Variants in TRDN observed in about 807,000 individuals in gnomAD.
TRDN encodes triadin in skeletal muscle.
In TRDN, 161 loss-of-function variants were observed where a neutral mutation model predicts 149.7. That is an observed-to-expected ratio of 1.08 (90% CI 0.95 to 1.23). The LOEUF (loss-of-function observed/expected upper bound fraction) is 1.23, where lower values mean the gene tolerates loss of function less well. Among genes scored for constraint, TRDN ranks in the 50% most tolerant of loss-of-function variants. The pLI is 0.00. For missense variants in TRDN, 896 were observed against 823.5 expected (o/e 1.09, Z -1.08); for synonymous variants, 294 against 250.5 (o/e 1.17, Z -1.64).
chr6:123,422,782 C>T (rs938064839), intron 12 of TRDN, among the ~76,000 whole-genome samples: 2 of 152,056 alleles, frequency 1.3e-5, no homozygotes, highest in African/African-American at 4.8e-5. Flanking sequence ...GTCTTCAGTA[C>T]TTATTACCTA....
At chr6:123,289,217 A>T (rs1381770918) in intron 24 of TRDN, among the ~76,000 whole-genome samples, 1 of 150,664 alleles carries the variant, frequency 6.6e-6, no homozygotes, top group Non-Finnish European at 1.5e-5. Context: ...AAAGAAGAAA[A>T]TTCTGTCATT....
rs116333525 is a variant in TRDN, at chr6:123,578,250, T to G, written c.23-7118A>C. The stretch of plus-strand genomic sequence containing the variant: ...GATATTGCCTAGGTTGTTTTCCAGA[T>G]TTTTTGTAGTTTTGGGTTTTACATT... On this transcript the variant is annotated intron_variant, in intron 1 of 40. Coordinates refer to ENST00000334268, the MANE Select transcript of TRDN (RefSeq NM_006073.4). Among the ~76,000 whole-genome samples the G allele has an allele frequency of 9.6e-3, 1,466 of 152,196 alleles. 22 individuals are homozygous for G. The highest frequency in any genetic ancestry group is 0.033 in the African/African-American group (1,375 of 41,540).
intron 2 of TRDN, among the ~76,000 whole-genome samples, chr6:123,566,939 T>G (rs1363530759): frequency 6.6e-6 from 1 of 152,260 alleles, no homozygotes; most frequent in African/African-American, 2.4e-5. Flanking sequence ...GAATTTGTTC[T>G]TATTTTATAA....
rs142412980 is a variant in TRDN at position 123,350,411 on chromosome 6, A to C, written c.1369+2128T>G. ...TATAATTTTTCTAAATAAAGTCCAC[A>C]TGTTTAAACAAATAAATAAAATAAA... is the stretch of plus-strand genomic sequence containing the variant. On this transcript the variant is annotated intron_variant, in intron 21 of 40. Coordinates refer to ENST00000334268, the MANE Select transcript of TRDN (RefSeq NM_006073.4). The C allele has an allele frequency of 3.9e-3, 2,573 of 667,026 alleles. 6 individuals carry two copies. Among genetic ancestry groups the C allele is most frequent in the Non-Finnish European group, 4.6e-3 (2,466 of 539,736 alleles). The allele number at this position is 667,026 out of a possible 1,614,324, so 41.3% of individuals were successfully genotyped here.
At chr6:123,374,314 A>G (rs1781427678) in intron 19 of TRDN, among the ~76,000 whole-genome samples, 1 of 152,090 alleles carries the variant, frequency 6.6e-6, no homozygotes, top group African/African-American at 2.4e-5. Context: ...TCTAGGAAGA[A>G]GATTTTCATT....
chr6:123,506,139 T>G (rs1267177912), intron 7 of TRDN, among the ~76,000 whole-genome samples: 1 of 152,146 alleles, frequency 6.6e-6, no homozygotes, highest in Non-Finnish European at 1.5e-5. Context: ...ACTGGAGTGG[T>G]CAACAGCACC....
intron 6 of TRDN, 23 bp downstream of exon 6, chr6:123,516,118 C>T: frequency 6.8e-7 from 1 of 1,462,662 alleles, no homozygotes; most frequent in Non-Finnish European, 9.1e-7. Flanking sequence ...GTGTGTTAAA[C>T]AGTAATAAAA....
At chr6:123,423,824 G>A (rs1316263701) in intron 12 of TRDN, among the ~76,000 whole-genome samples, 1 of 152,168 alleles carries the variant, frequency 6.6e-6, no homozygotes, top group South Asian at 2.1e-4. Context: ...ACGGCCAATA[G>A]CATTTCTTGC....
intron 21 of TRDN, among the ~76,000 whole-genome samples, chr6:123,345,233 C>T (rs1394883069): frequency 6.6e-6 from 1 of 151,870 alleles, no homozygotes; most frequent in Non-Finnish European, 1.5e-5. Flanking sequence ...GACGTAAAGA[C>T]TATTTTTGAG....
intron 38 of TRDN, among the ~76,000 whole-genome samples, chr6:123,241,054 T>C (rs1179970468): frequency 6.6e-6 from 1 of 151,866 alleles, no homozygotes; most frequent in Non-Finnish European, 1.5e-5. Context: ...AGAAGATTAG[T>C]TGTTTTCTGC....
intron 34 of TRDN, 89 bp downstream of exon 34, chr6:123,260,523 A>G: frequency 5.2e-6 from 7 of 1,346,804 alleles, no homozygotes; most frequent in Non-Finnish European, 2.0e-6. Context: ...CAGCTAAGGG[A>G]TTTTCTAAAT....
intron 1 of TRDN, among the ~76,000 whole-genome samples, chr6:123,584,231 A>G (rs1484782889): frequency 6.6e-6 from 1 of 152,176 alleles, no homozygotes; most frequent in Non-Finnish European, 1.5e-5. Flanking sequence ...AAGAGTGAGT[A>G]CAGCTGAAGG....
At chr6:123,378,453 AGTGT>A (rs59816098) in intron 16 of TRDN, among the ~76,000 whole-genome samples, 37,428 of 136,032 alleles carry the variant, frequency 0.28, 5,353 homozygotes, top group African/African-American at 0.34. Flanking sequence ...CCAGATTTGT[AGTGT>A]GTGTGTGTGT....
At chr6:123,463,753 AT>A (rs1248680236) in intron 10 of TRDN, among the ~76,000 whole-genome samples, 1 of 149,294 alleles carries the variant, frequency 6.7e-6, no homozygotes, top group African/African-American at 2.5e-5. Flanking sequence ...TGTAATTCTG[AT>A]TTTTTTGGTC....
At chr6:123,303,913 T>A (rs889023366) in intron 24 of TRDN, among the ~76,000 whole-genome samples, 1 of 151,748 alleles carries the variant, frequency 6.6e-6, no homozygotes, top group Non-Finnish European at 1.5e-5. Flanking sequence ...ATAATAAGAA[T>A]CAGAAAAAAA....
At position 123,545,292 on chromosome 6, in the gene TRDN, A is replaced by G. The variant is rs1335665608; in HGVS notation, c.424+2048T>C. Reference sequence around the variant, plus strand: ...CATGAGTAAAATAACTTATAAGACAAGAATAATTTATAGAATTTCTCCCCA... The same window carrying G: ...CATGAGTAAAATAACTTATAAGACAGGAATAATTTATAGAATTTCTCCCCA... On this transcript the variant is annotated intron_variant, in intron 4 of 40. Transcript: ENST00000334268. Among the ~76,000 whole-genome samples the G allele has an allele frequency of 2.6e-5, 4 of 152,058 alleles. No homozygotes were observed. In the East Asian group the frequency reaches 7.7e-4, roughly 29 times the overall value.
chr6:123,469,908 A>G (rs1488986150), intron 9 of TRDN: 1 of 152,126 alleles, frequency 6.6e-6, no homozygotes, highest in Non-Finnish European at 1.5e-5. Context: ...CCAGAACAGT[A>G]TGAGCTCAGT....
chr6:123,522,398 CA>C (rs1163258161), intron 5 of TRDN, among the ~76,000 whole-genome samples: 3 of 148,482 alleles, frequency 2.0e-5, no homozygotes, highest in Non-Finnish European at 4.4e-5. Flanking sequence ...TTCACAATTG[CA>C]AAAAAATAAG....
intron 5 of TRDN, among the ~76,000 whole-genome samples, chr6:123,526,248 C>T (rs1280957370): frequency 6.6e-6 from 1 of 151,932 alleles, no homozygotes. Context: ...CATCAGGCTA[C>T]GTGGCACACA....
Sources: allele counts gnomAD v4.1 joint callset (sites outside exome capture counted in the v4.1 genomes callset), GRCh38; gene constraint gnomAD v4.1.1; transcripts MANE v1.5; gene names NCBI Gene and HGNC (gene_info 2026-07-23, HGNC 2026-07-21).